BRAP: variants seen among roughly 807,000 people sequenced by gnomAD.
BRAP encodes the protein BRCA1-associated protein.
A neutral mutation model predicts 73.4 loss-of-function variants in BRAP; 42 were observed. The ratio of observed to expected loss-of-function variants is 0.57; its 90% CI spans 0.45 to 0.74. BRAP has a LOEUF of 0.74. Ranked by LOEUF, BRAP falls within the 30% of genes least tolerant of loss-of-function variation. BRAP has a pLI of 0.00. For synonymous variants in BRAP, 255 were observed against 267.4 expected (o/e 0.95, Z 0.45); for missense variants, 593 against 751.4 (o/e 0.79, Z 2.46).
chr12:111,655,269 C>T (rs1886483008), intron 10 of BRAP, among the ~76,000 whole-genome samples: 1 of 151,570 alleles, frequency 6.6e-6, no homozygotes, highest in African/African-American at 2.4e-5. Context: ...ATGACAAACC[C>T]TCAGGTAGAT....
chr12:111,685,848 AGCCGAGAGGCCGAGCG>A lies in BRAP; in HGVS notation c.-72_-57del. 7.6e-7 allele frequency: 1 copy of A among 1,307,622 alleles called. No individual in the cohort carries two copies. The highest frequency in any genetic ancestry group is 9.9e-7 in the Non-Finnish European group (1 of 1,007,330). The allele number at this position is 1,307,622 out of a possible 1,614,324, so 81.0% of individuals were successfully genotyped here. A position where few individuals can be genotyped will look rare whatever the true frequency, so the allele number is the denominator to read the frequency against. On this transcript the variant is annotated 5_prime_UTR_variant, in exon 1 of 12. Transcript: ENST00000419234. The stretch of plus-strand genomic sequence containing the variant: ...CGGGCTCAGGCGAGGCTGGAAGGCG[AGCCGAGAGGCCGAGCG>A]GCCCGGGGCCGGCAGCGCCGCCACC...
At chr12:111,675,619 C>G (rs544612962) in intron 4 of BRAP, among the ~76,000 whole-genome samples, 15 of 151,526 alleles carry the variant, frequency 9.9e-5, no homozygotes, top group African/African-American at 3.6e-4. Context: ...AAGAACATTG[C>G]AGAAACAGCT....
intron 5 of BRAP, among the ~76,000 whole-genome samples, chr12:111,666,555 G>T (rs1298637442): frequency 6.6e-6 from 1 of 152,160 alleles, no homozygotes; most frequent in African/African-American, 2.4e-5. Flanking sequence ...AAAACAGTCA[G>T]CTCCTGCCCC....
At chr12:111,647,768 G>A (rs937816199) in intron 11 of BRAP, among the ~76,000 whole-genome samples, 1 of 152,040 alleles carries the variant, frequency 6.6e-6, no homozygotes, top group African/African-American at 2.4e-5. Context: ...GGTGGTGCAT[G>A]CCTGTAATTC....
intron 9 of BRAP, among the ~76,000 whole-genome samples, chr12:111,658,366 T>C (rs1886608570): frequency 6.6e-6 from 1 of 151,786 alleles, no homozygotes; most frequent in African/African-American, 2.4e-5. Context: ...AATGACCCGA[T>C]CTCGGCTCAC....
chr12:111,681,821 T>C lies in BRAP; in HGVS notation c.259A>G (p.Thr87Ala). Residue 87 changes from threonine to alanine, a missense_variant, in exon 3 of 12, where the codon ACA (threonine) becomes GCA (alanine). Coordinates refer to ENST00000419234, the MANE Select transcript of BRAP (RefSeq NM_006768.5). ...MKSNPDELKT[T>A]VEERKSSEAS... ...TCTGAAGACTTCCTTTCTTCCACTG[T>C]AGTTTTTAGTTCATCTTTCACCAGT... 1 of 1,609,796 alleles carries C rather than the reference T, an allele frequency of 6.2e-7. No homozygotes were observed. Among genetic ancestry groups the C allele is most frequent in the South Asian group, 1.1e-5 (1 of 90,344 alleles).
chr12:111,668,967 T>G (rs1202850549), intron 5 of BRAP, among the ~76,000 whole-genome samples: 1 of 152,108 alleles, frequency 6.6e-6, no homozygotes, highest in African/African-American at 2.4e-5. Flanking sequence ...AAAATTCTTT[T>G]AAGAGCTAAG....
chr12:111,681,621 A>G lies in BRAP; in HGVS notation c.443+16T>C. Reference sequence around the variant, plus strand: ...AAAAAAATTGACTAACCCCCAAGAAAAGAGGGTTTTCTTACTTTGTCTTAT... The same window carrying G: ...AAAAAAATTGACTAACCCCCAAGAAGAGAGGGTTTTCTTACTTTGTCTTAT... On this transcript the variant is annotated intron_variant, in intron 3 of 11. Transcript: ENST00000419234. 1 of 1,573,064 alleles carries G rather than the reference A, an allele frequency of 6.4e-7. No individual in the cohort carries two copies. The highest frequency in any genetic ancestry group is 8.6e-7 in the Non-Finnish European group (1 of 1,160,182).
chr12:111,666,549 C>A (rs1264477577), intron 5 of BRAP, among the ~76,000 whole-genome samples: 1 of 152,170 alleles, frequency 6.6e-6, no homozygotes, highest in Non-Finnish European at 1.5e-5. Flanking sequence ...GTCCAAAAAA[C>A]AGTCAGCTCC....
chr12:111,648,295 T>C (rs57186456), intron 11 of BRAP, among the ~76,000 whole-genome samples: 26,722 of 145,660 alleles, frequency 0.18, 2,322 homozygotes, highest in Middle Eastern at 0.28. Context: ...CACTCCAGCC[T>C]GGCGACAGAG....
chr12:111,667,291 T>A (rs566224528), intron 5 of BRAP, among the ~76,000 whole-genome samples: 1 of 152,298 alleles, frequency 6.6e-6, no homozygotes, highest in South Asian at 2.1e-4. Context: ...TTACCACCAA[T>A]AAAACAGTCT....
chr12:111,648,489 G>A lies in BRAP; in HGVS notation c.1415+1450C>T, dbSNP rs544047135. Among the ~76,000 whole-genome samples, 35 of 144,518 alleles carry A rather than the reference G, an allele frequency of 2.4e-4. No individual in the cohort carries two copies. In the South Asian group the frequency reaches 7.7e-3, roughly 32 times the overall value. The allele number at this position is 144,518 out of a possible 152,430, so 94.8% of individuals were successfully genotyped here. On this transcript the variant is annotated intron_variant, in intron 11 of 11. Coordinates refer to ENST00000419234, the MANE Select transcript of BRAP (RefSeq NM_006768.5). ...TAACTGGGTGTGGTGGTGTGCTCCT[G>A]TAGTCTTAGCTACTCGGGAGGCTGA...
At chr12:111,676,853 C>A (rs549957426) in intron 4 of BRAP, among the ~76,000 whole-genome samples, 1 of 152,278 alleles carries the variant, frequency 6.6e-6, no homozygotes, top group African/African-American at 2.4e-5. Flanking sequence ...AGTTTAACTT[C>A]CAGTCTTACA....
intron 7 of BRAP, among the ~76,000 whole-genome samples, chr12:111,660,170 G>C (rs1268763210): frequency 1.3e-5 from 2 of 151,664 alleles, no homozygotes; most frequent in Non-Finnish European, 2.9e-5. Flanking sequence ...TGCTTTTATG[G>C]GTCATTTTTT....
chr12:111,684,197 T>C (rs560000814), intron 1 of BRAP, among the ~76,000 whole-genome samples: 1 of 152,276 alleles, frequency 6.6e-6, no homozygotes, highest in East Asian at 1.9e-4. Flanking sequence ...ACCACTGTAT[T>C]CCCAGCCCTT....
intron 3 of BRAP, among the ~76,000 whole-genome samples, chr12:111,681,325 G>A (rs1403542114): frequency 6.6e-6 from 1 of 151,292 alleles, no homozygotes; most frequent in African/African-American, 2.4e-5. Flanking sequence ...ATCTGAGATC[G>A]CGCCATTGCA....
chr12:111,644,680 T>G, intron 11 of BRAP, 118 bp from the exon 12 acceptor site: 1 of 1,439,520 alleles, frequency 6.9e-7, no homozygotes, highest in Non-Finnish European at 9.3e-7. Flanking sequence ...ACAGACCCCT[T>G]TCTCCCATCG....
intron 5 of BRAP, among the ~76,000 whole-genome samples, chr12:111,670,718 G>A (rs1015377490): frequency 3.3e-5 from 5 of 152,018 alleles, no homozygotes; most frequent in Non-Finnish European, 5.9e-5. Flanking sequence ...TCAAACTCCT[G>A]ACCTCAAGTT....
chr12:111,666,950 C>T (rs1248630258), intron 5 of BRAP, among the ~76,000 whole-genome samples: 3 of 152,080 alleles, frequency 2.0e-5, no homozygotes, highest in East Asian at 3.8e-4. Context: ...ACAAATTTAT[C>T]GGTATTTTAG....
Sources: allele counts gnomAD v4.1 joint callset (sites outside exome capture counted in the v4.1 genomes callset), GRCh38; gene constraint gnomAD v4.1.1; transcripts MANE v1.5; gene names NCBI Gene and HGNC (gene_info 2026-07-23, HGNC 2026-07-21).